Variants in ST7 observed in about 807,000 individuals in gnomAD.
ST7 encodes suppressor of tumorigenicity 7 protein.
A neutral mutation model predicts 78.7 loss-of-function variants in ST7; 28 were observed. That is an observed-to-expected ratio of 0.36 (90% CI 0.26 to 0.49). The LOEUF is 0.49. Ranked by LOEUF, ST7 falls within the 20% of genes least tolerant of loss-of-function variation. ST7 has a pLI of 0.99. For missense variants in ST7, 418 were observed against 696.0 expected (o/e 0.60, Z 4.49); for synonymous variants, 247 against 249.6 (o/e 0.99, Z 0.10).
intron 1 of ST7, among the ~76,000 whole-genome samples, chr7:117,017,533 T>C (rs1795671321): frequency 6.6e-6 from 1 of 152,188 alleles, no homozygotes; most frequent in African/African-American, 2.4e-5. Context: ...AGCACTGTCT[T>C]TACTGTGAAG....
intron 1 of ST7, chr7:117,098,771 A>G (rs1405677438): frequency 7.7e-7 from 1 of 1,300,706 alleles, no homozygotes; most frequent in African/African-American, 1.5e-5. Flanking sequence ...TCCCTTCTAC[A>G]AACAGATTCA....
chr7:116,981,964 T>G (rs1178660150), intron 1 of ST7, among the ~76,000 whole-genome samples: 1 of 152,196 alleles, frequency 6.6e-6, no homozygotes, highest in East Asian at 1.9e-4. Flanking sequence ...AATCTTTCAG[T>G]TCCATTTTAA....
intron 1 of ST7, among the ~76,000 whole-genome samples, chr7:116,986,191 G>C (rs1794183417): frequency 6.6e-6 from 1 of 152,212 alleles, no homozygotes; most frequent in Admixed American, 6.5e-5. Context: ...TGTGTGAGTA[G>C]AGTCTATTTT....
chr7:117,027,173 G>A (rs2116105298), intron 1 of ST7, among the ~76,000 whole-genome samples: 1 of 152,370 alleles, frequency 6.6e-6, no homozygotes, highest in Admixed American at 6.5e-5. Flanking sequence ...GCTGGGCACA[G>A]TGGCTCACGC....
At chr7:117,176,639 C>G (rs1239010653) in intron 10 of ST7, among the ~76,000 whole-genome samples, 1 of 152,162 alleles carries the variant, frequency 6.6e-6, no homozygotes, top group Non-Finnish European at 1.5e-5. Flanking sequence ...ACTGGATACC[C>G]TGTCTTTTGG....
At chr7:117,187,836 A>G (rs1448723673) in intron 10 of ST7, 1 of 152,200 alleles carries the variant, frequency 6.6e-6, no homozygotes, top group Non-Finnish European at 1.5e-5. Context: ...AATAACAATC[A>G]ATGAGTATAC....
chr7:117,131,827 T>G, intron 5 of ST7, 58 bp from the exon 6 acceptor site: 1 of 1,446,138 alleles, frequency 6.9e-7, no homozygotes, highest in Non-Finnish European at 9.7e-7. Context: ...TGTCCTCTAC[T>G]GAGTCTACCT....
At chr7:117,165,356 T>A (rs1807466232) in intron 9 of ST7, among the ~76,000 whole-genome samples, 1 of 152,128 alleles carries the variant, frequency 6.6e-6, no homozygotes, top group South Asian at 2.1e-4. Context: ...TTCAGACAGC[T>A]CTAAGTATAA....
chr7:117,183,100 TTTTGTTTGTTTG>T (rs370293819), intron 10 of ST7, among the ~76,000 whole-genome samples: 10 of 152,022 alleles, frequency 6.6e-5, no homozygotes, highest in Non-Finnish European at 5.9e-5. Flanking sequence ...TTTTAGGTTT[TTTTGTTTGTTTG>T]TTTGTTTGTT....
At chr7:116,983,992 C>T (rs763077072) in intron 1 of ST7, among the ~76,000 whole-genome samples, 3 of 152,074 alleles carry the variant, frequency 2.0e-5, no homozygotes. Flanking sequence ...AAGGTGATAT[C>T]GATCAAATTA....
At chr7:117,170,446 G>T (rs1807900996) in intron 9 of ST7, among the ~76,000 whole-genome samples, 1 of 152,126 alleles carries the variant, frequency 6.6e-6, no homozygotes, top group African/African-American at 2.4e-5. Flanking sequence ...ACTTCGGGAG[G>T]CCGAGGCGGG....
chr7:117,169,037 T>C (rs1355485893), intron 9 of ST7, among the ~76,000 whole-genome samples: 3 of 152,238 alleles, frequency 2.0e-5, no homozygotes, highest in Admixed American at 2.0e-4. Flanking sequence ...ATAAAGAACC[T>C]GGTTACCTTT....
chr7:117,054,899 T>C, intron 1 of ST7, among the ~76,000 whole-genome samples: 1 of 152,204 alleles, frequency 6.6e-6, no homozygotes, highest in African/African-American at 2.4e-5. Context: ...GAAAAGCAGA[T>C]GAATTAGGAA....
At chr7:117,123,983 A>T (rs139998004) in intron 3 of ST7, among the ~76,000 whole-genome samples, 1,715 of 152,260 alleles carry the variant, frequency 0.011, 31 homozygotes, top group Middle Eastern at 0.075. Flanking sequence ...TTTAATCTTC[A>T]TAAGTATATA....
chr7:117,108,183 G>A (rs1426070488), intron 2 of ST7, among the ~76,000 whole-genome samples: 1 of 152,068 alleles, frequency 6.6e-6, no homozygotes, highest in Non-Finnish European at 1.5e-5. Context: ...GTCTAGAAGG[G>A]TTTTTCCAAT....
intron 1 of ST7, among the ~76,000 whole-genome samples, chr7:116,969,607 C>T (rs2116241226): frequency 6.6e-6 from 1 of 152,292 alleles, no homozygotes; most frequent in Middle Eastern, 3.4e-3. Context: ...GCACAGGCTG[C>T]ACTTAAGGAA....
intron 10 of ST7, among the ~76,000 whole-genome samples, chr7:117,186,416 A>G (rs1464553349): frequency 6.6e-6 from 1 of 152,246 alleles, no homozygotes; most frequent in Non-Finnish European, 1.5e-5. Flanking sequence ...GGTAGAATCT[A>G]CAGTGCGGAT....
chr7:117,188,545 T>G lies in ST7; in HGVS notation c.1079-776T>G, dbSNP rs1331583020. Among the ~76,000 whole-genome samples, 9 of 152,344 alleles carry G rather than the reference T, an allele frequency of 5.9e-5. No homozygotes were observed. The East Asian group carries it at 1.7e-3, about 29-fold the overall frequency. On this transcript the variant is annotated intron_variant, in intron 10 of 15. Coordinates refer to ENST00000323984, the MANE Select transcript of ST7 (RefSeq NM_001369598.1). ...TTTATCTACTCTCACTTGTACCCTGTGCTTTCACTTTCCTGTAAACTCATT... is the reference window on the plus strand; with the variant it reads ...TTTATCTACTCTCACTTGTACCCTGGGCTTTCACTTTCCTGTAAACTCATT...
At chr7:117,091,948 G>A (rs764494224) in intron 1 of ST7, among the ~76,000 whole-genome samples, 72 of 152,234 alleles carry the variant, frequency 4.7e-4, no homozygotes, top group Non-Finnish European at 8.5e-4. Context: ...CATTGCTGTA[G>A]CACTGAGGGC....
Sources: allele counts gnomAD v4.1 joint callset (sites outside exome capture counted in the v4.1 genomes callset), GRCh38; gene constraint gnomAD v4.1.1; transcripts MANE v1.5; gene names NCBI Gene and HGNC (gene_info 2026-07-23, HGNC 2026-07-21).